The following VWA5A variants were observed in gnomAD, a reference collection of about 807,000 sequenced individuals.
VWA5A encodes the protein von Willebrand factor A domain-containing protein 5A.
In VWA5A, 77 loss-of-function variants were observed where a neutral mutation model predicts 84.6. The observed-to-expected ratio is 0.91, with a 90% CI of 0.76 to 1.10. The LOEUF (loss-of-function observed/expected upper bound fraction) is 1.10. Among genes scored for constraint, VWA5A ranks in the 50% least tolerant of loss-of-function variants. The pLI is 0.00. For missense variants in VWA5A, 973 were observed against 963.0 expected (o/e 1.01, Z -0.14); for synonymous variants, 334 against 350.1 (o/e 0.95, Z 0.51).
chr11:124,139,551 C>A (rs867060224), intron 15 of VWA5A, among the ~76,000 whole-genome samples: 1 of 152,066 alleles, frequency 6.6e-6, no homozygotes, highest in Non-Finnish European at 1.5e-5. Context: ...TATTTTGTAG[C>A]CATTGCAAAT....
intron 11 of VWA5A, among the ~76,000 whole-genome samples, chr11:124,132,263 T>C (rs1027572188): frequency 2.0e-5 from 3 of 152,070 alleles, no homozygotes; most frequent in African/African-American, 7.2e-5. Context: ...TTTTTCAGGA[T>C]TTTGAATCTA....
chr11:124,131,155 G>A (rs1390055630), intron 11 of VWA5A, among the ~76,000 whole-genome samples: 1 of 151,808 alleles, frequency 6.6e-6, no homozygotes, highest in Non-Finnish European at 1.5e-5. Context: ...AACCGTATAT[G>A]TACCAATTTT....
intron 14 of VWA5A, 71 bp downstream of exon 14, chr11:124,136,745 C>CTTCCTTCA (rs1425959385): frequency 1.3e-5 from 13 of 1,027,974 alleles, no homozygotes; most frequent in Admixed American, 1.1e-4. Flanking sequence ...TCCTTCCTTC[C>CTTCCTTCA]TTCATTCCCT....
At chr11:124,145,707 G>A (rs2155348) in intron 18 of VWA5A, among the ~76,000 whole-genome samples, 159 bp from the exon 19 acceptor site, 13,128 of 152,080 alleles carry the variant, frequency 0.086, 574 homozygotes, top group South Asian at 0.1. Context: ...GTGTATCTGG[G>A]GCCAGAGAAG....
chr11:124,124,928 T>C (rs927621170), intron 11 of VWA5A: 6 of 127,198 alleles, frequency 4.7e-5, no homozygotes, highest in East Asian at 4.8e-4. Context: ...TTCATTTTCA[T>C]TGATGTATAG....
rs149383433 is a variant in VWA5A at position 124,142,195 on chromosome 11, G to A, written c.2024-247G>A. On this transcript the variant is annotated intron_variant, in intron 16 of 18. Transcript: ENST00000456829. ...CCCCTTGGCCATCTCAGCTCACACAGCTTGCCTGCGGGCTGCCCTCGCCCC... is the reference window on the plus strand; with the variant it reads ...CCCCTTGGCCATCTCAGCTCACACAACTTGCCTGCGGGCTGCCCTCGCCCC... Among the ~76,000 whole-genome samples the A allele has an allele frequency of 2.5e-3, 382 of 152,308 alleles. 2 individuals carry two copies. Among genetic ancestry groups the A allele is most frequent in the African/African-American group, 8.6e-3 (356 of 41,566 alleles).
intron 15 of VWA5A, among the ~76,000 whole-genome samples, chr11:124,140,548 C>T (rs750999111): frequency 2.6e-5 from 4 of 152,054 alleles, no homozygotes; most frequent in Admixed American, 2.6e-4. Flanking sequence ...ACTGCAGCCT[C>T]GATCTCTTGG....
intron 7 of VWA5A, 30 bp from the exon 8 acceptor site, chr11:124,122,930 T>A (rs1345119099): frequency 6.3e-7 from 1 of 1,591,108 alleles, no homozygotes; most frequent in African/African-American, 1.4e-5. Flanking sequence ...TTCCTTTTTG[T>A]CTTACAGTGG....
At chr11:124,136,383 A>G (rs1487097160) in intron 13 of VWA5A, 90 bp downstream of exon 13, 8 of 1,537,316 alleles carry the variant, frequency 5.2e-6, no homozygotes, top group Non-Finnish European at 7.0e-6. Context: ...AATCTCAGCC[A>G]GAGACGGCAC....
chr11:124,147,515 TCA>T lies in VWA5A; in HGVS notation c.*1571_*1572del, dbSNP rs933194279. 3.3e-5 allele frequency: 5 copies of T among 152,216 alleles called. No homozygotes were observed. Among genetic ancestry groups the T allele is most frequent in the Admixed American group, 6.5e-5 (1 of 15,286 alleles). 9.4% of individuals were successfully genotyped at this position (152,216 alleles called of 1,614,324 possible). ...GACTTGCATAGTGGACTCTAATCTC[TCA>T]GTCTTTCTTCCAAGTTTGTTTATGC... On this transcript the variant is annotated 3_prime_UTR_variant, in exon 19 of 19. Coordinates refer to ENST00000456829, the MANE Select transcript of VWA5A (RefSeq NM_001130142.2).
In VWA5A at chr11:124,135,453, G is replaced by T. The variant is rs10466537; in HGVS notation, c.1359+419G>T. Among the ~76,000 whole-genome samples, 3 of 151,724 alleles carry T rather than the reference G, an allele frequency of 2.0e-5. No individual in the cohort carries two copies. The South Asian group carries it at 6.2e-4, about 32-fold the overall frequency. On this transcript the variant is annotated intron_variant, in intron 12 of 18. Coordinates refer to ENST00000456829, the MANE Select transcript of VWA5A (RefSeq NM_001130142.2). ...ATAATCATGATATGTCTAATGGATC[G>T]GAAGAGGTAGTAAATTGCTATTCCA... is the stretch of plus-strand genomic sequence containing the variant.
intron 14 of VWA5A, 83 bp from the exon 15 acceptor site, chr11:124,136,932 A>G (rs1449090910): frequency 2.0e-6 from 3 of 1,516,470 alleles, no homozygotes; most frequent in African/African-American, 2.8e-5. Context: ...TAACTCTTCT[A>G]TTCCTAACTT....
chr11:124,133,590 A>G (rs989125278), intron 11 of VWA5A, among the ~76,000 whole-genome samples: 1 of 152,184 alleles, frequency 6.6e-6, no homozygotes, highest in Admixed American at 6.5e-5. Flanking sequence ...TGCTGTGAGC[A>G]GAACTTTCCT....
At chr11:124,118,503 G>A (rs768567912) in intron 5 of VWA5A, 30 bp from the exon 6 acceptor site, 1 of 1,611,638 alleles carries the variant, frequency 6.2e-7, no homozygotes, top group East Asian at 2.2e-5. Context: ...GTGTTGGCAA[G>A]GAAAACAGAA....
rs1025260923 is a variant in VWA5A at position 124,136,609 on chromosome 11, T to C, written c.1560T>C (p.Tyr520=). 3 of 1,614,162 alleles carry C rather than the reference T, an allele frequency of 1.9e-6. No homozygotes were observed. The highest frequency in any genetic ancestry group is 1.6e-4 in the Middle Eastern group (1 of 6,062). ...AETTGEVCLK[Y]TLQGKTFEDK... The stretch of plus-strand genomic sequence containing the variant: ...CAACAGGAGAAGTATGCCTCAAATA[T>C]ACACTCCAGGGCAAGACTTTTGAGG... Residue 520 remains tyrosine, a synonymous_variant, in exon 14 of 19, where the codon TAT becomes TAC. Coordinates refer to ENST00000456829, the MANE Select transcript of VWA5A (RefSeq NM_001130142.2).
chr11:124,124,431 T>G, intron 11 of VWA5A, 115 bp downstream of exon 11: 1 of 1,428,838 alleles, frequency 7.0e-7, no homozygotes, highest in Non-Finnish European at 9.1e-7. Flanking sequence ...ATTTCAGAAT[T>G]TAGTTTTAGC....
rs1860729101 is a variant in VWA5A, at chr11:124,141,596, A to G, written c.1880-2A>G. The G allele has an allele frequency of 6.2e-7, 1 of 1,613,776 alleles. No homozygotes were observed. The highest frequency in any genetic ancestry group is 8.5e-7 in the Non-Finnish European group (1 of 1,179,924). ...ACTGTCTTAATGTTTGGATTTTTTC[A>G]GGTTTTCGAAAGGCCTTACACTCTG... On this transcript the variant is annotated splice_acceptor_variant, in intron 15 of 18. Transcript: ENST00000456829. LOFTEE classifies it high-confidence loss of function.
chr11:124,136,773 C>CCTCT (rs1860601867), intron 14 of VWA5A, 99 bp downstream of exon 14: 1 of 900,940 alleles, frequency 1.1e-6, no homozygotes, highest in East Asian at 2.9e-5. Flanking sequence ...TCCCTCCCTC[C>CCTCT]CTCCCTCCTT....
In VWA5A at chr11:124,136,994, CTT is replaced by C. The variant is rs371615800; in HGVS notation, c.1626-10_1626-9del. The C allele has an allele frequency of 2.0e-4, 263 of 1,286,248 alleles. No individual in the cohort carries two copies. Among genetic ancestry groups the C allele is most frequent in the Middle Eastern group, 6.3e-4 (3 of 4,754 alleles). 79.7% of individuals were successfully genotyped at this position (1,286,248 alleles called of 1,614,324 possible). A position where few individuals can be genotyped will look rare whatever the true frequency, so the allele number is the denominator to read the frequency against. On this transcript the variant is annotated intron_variant, in intron 14 of 18. Transcript: ENST00000456829. ...GGATGTCTTTCCCTACATTTCAGTA[CTT>C]TTTTTTTTTTCCTTTCAGCCTCACC...
Sources: gnomAD v4.1 joint callset for allele counts (sites outside exome capture counted in the v4.1 genomes callset) on GRCh38, gnomAD v4.1.1 for gene constraint, MANE v1.5 for transcripts, NCBI Gene and HGNC (gene_info 2026-07-23, HGNC 2026-07-21) for gene names.